C1QTNF3: variants seen among roughly 807,000 people sequenced by gnomAD.
The protein encoded by C1QTNF3 is complement C1q tumor necrosis factor-related protein 3.
Under a neutral mutation model 32.6 loss-of-function variants are expected in C1QTNF3, and 26 were observed. The ratio of observed to expected loss-of-function variants is 0.80; its 90% CI spans 0.58 to 1.11. The LOEUF (loss-of-function observed/expected upper bound fraction) is 1.11. Ranked by LOEUF, C1QTNF3 falls within the 50% of genes least tolerant of loss-of-function variation. The probability of loss-of-function intolerance (pLI) is 0.00; values close to 1 mark genes in which losing one functional copy is unlikely to be tolerated. For missense variants in C1QTNF3, 362 were observed against 398.2 expected (o/e 0.91, Z 0.77); for synonymous variants, 155 against 146.0 (o/e 1.06, Z -0.44).
the C1QTNF3 span, among the ~76,000 whole-genome samples, chr5:34,213,708 G>GTA: frequency 7.4e-6 from 1 of 134,324 alleles, no homozygotes; most frequent in Non-Finnish European, 1.6e-5. Flanking sequence ...ATATATATGT[G>GTA]TATATATATG....
chr5:34,244,608 T>G, the C1QTNF3 span: 1 of 152,084 alleles, frequency 6.6e-6, no homozygotes, highest in African/African-American at 2.4e-5. Flanking sequence ...ATTAGTGCGT[T>G]CACATACCTT....
At chr5:34,161,081 T>G in the C1QTNF3 span, among the ~76,000 whole-genome samples, 1 of 152,284 alleles carries the variant, frequency 6.6e-6, no homozygotes, top group South Asian at 2.1e-4. Context: ...CTGACATCAC[T>G]TGGCAGCTGG....
chr5:34,040,334 C>T lies in C1QTNF3; in HGVS notation c.303+2489G>A, dbSNP rs533390456. ...AGGGGTAGGGATGCAGAACTGAGCTCTACTACTAGTAAGTGACTTCTAGGA... is the reference window on the plus strand; with the variant it reads ...AGGGGTAGGGATGCAGAACTGAGCTTTACTACTAGTAAGTGACTTCTAGGA... On this transcript the variant is annotated intron_variant, in intron 1 of 5. Transcript: ENST00000382065. Among the ~76,000 whole-genome samples, 16 of 152,156 alleles carry T rather than the reference C, an allele frequency of 1.1e-4. No homozygotes were observed. In the South Asian group the frequency reaches 3.3e-3, roughly 32 times the overall value.
At chr5:34,222,712 G>A in the C1QTNF3 span, among the ~76,000 whole-genome samples, 2 of 151,918 alleles carry the variant, frequency 1.3e-5, no homozygotes, top group Admixed American at 6.6e-5. Flanking sequence ...AAAAAACTAC[G>A]AATTTAACAA....
At chr5:34,155,543 A>T in the C1QTNF3 span, among the ~76,000 whole-genome samples, 3 of 152,182 alleles carry the variant, frequency 2.0e-5, no homozygotes, top group Non-Finnish European at 4.4e-5. Context: ...GCTTAATACA[A>T]ATCCTTTTAA....
chr5:34,221,521 T>C, the C1QTNF3 span, among the ~76,000 whole-genome samples: 1 of 152,102 alleles, frequency 6.6e-6, no homozygotes, highest in Non-Finnish European at 1.5e-5. Context: ...ATTAGCTGTC[T>C]GCCAGTCTGA....
intron 1 of C1QTNF3, among the ~76,000 whole-genome samples, chr5:34,038,296 C>T (rs1254095041): frequency 6.6e-6 from 1 of 152,272 alleles, no homozygotes; most frequent in South Asian, 2.1e-4. Flanking sequence ...ATGGAAGGCT[C>T]TGCAGAGCAG....
chr5:34,178,228 T>C, the C1QTNF3 span, among the ~76,000 whole-genome samples: 2 of 150,624 alleles, frequency 1.3e-5, no homozygotes, highest in East Asian at 2.0e-4. Flanking sequence ...TAGCAGTGAG[T>C]CAAGATTGCA....
chr5:34,120,208 C>A, the C1QTNF3 span, among the ~76,000 whole-genome samples: 1 of 152,204 alleles, frequency 6.6e-6, no homozygotes, highest in Non-Finnish European at 1.5e-5. Flanking sequence ...GGCATTCATG[C>A]ATGTTTCAGA....
the C1QTNF3 span, among the ~76,000 whole-genome samples, chr5:34,174,721 G>A: frequency 1.3e-5 from 2 of 152,140 alleles, no homozygotes. Context: ...CCCTACGTGA[G>A]AGCACAGATC....
upstream of C1QTNF3, among the ~76,000 whole-genome samples, chr5:34,044,766 A>C (rs1371208467): frequency 1.3e-5 from 2 of 152,152 alleles, no homozygotes; most frequent in Non-Finnish European, 2.9e-5. Context: ...GTTCCCACCT[A>C]GTAGGGCATA....
intron 5 of C1QTNF3, 47 bp downstream of exon 5, chr5:34,023,858 GAACA>G: frequency 6.8e-7 from 1 of 1,473,658 alleles, no homozygotes; most frequent in Non-Finnish European, 9.5e-7. Flanking sequence ...GGCATTCCTT[GAACA>G]AACAATGGCA....
the C1QTNF3 span, among the ~76,000 whole-genome samples, chr5:34,053,295 G>A: frequency 2.6e-5 from 4 of 152,128 alleles, no homozygotes; most frequent in Admixed American, 2.6e-4. Flanking sequence ...CACTCCACCC[G>A]AACCACAAAG....
Position 34,023,006 on chromosome 5 carries a change from C to T in C1QTNF3, c.800+903G>A, listed in dbSNP as rs551837164. Among the ~76,000 whole-genome samples, 31 of 152,250 alleles carry T rather than the reference C, an allele frequency of 2.0e-4. No individual in the cohort carries two copies. In the South Asian group the frequency reaches 6.4e-3, roughly 32 times the overall value. ...GAGTAGCTGGGACTACAGGCGCCTG[C>T]CACCATGCCCGGGTAATTTTTTGTA... On this transcript the variant is annotated intron_variant, in intron 5 of 5. Transcript: ENST00000382065.
the C1QTNF3 span, among the ~76,000 whole-genome samples, chr5:34,213,758 T>TAC: frequency 2.6e-4 from 29 of 111,920 alleles, no homozygotes; most frequent in Middle Eastern, 4.8e-3. Flanking sequence ...TATATATATA[T>TAC]ACACACACAC....
At chr5:34,031,852 T>A (rs1256038106) in intron 3 of C1QTNF3, among the ~76,000 whole-genome samples, 1 of 152,126 alleles carries the variant, frequency 6.6e-6, no homozygotes, top group Non-Finnish European at 1.5e-5. Context: ...CATTTAAAAG[T>A]TGCAAAACCC....
At chr5:34,234,125 G>A in the C1QTNF3 span, among the ~76,000 whole-genome samples, 1 of 152,092 alleles carries the variant, frequency 6.6e-6, no homozygotes, top group Non-Finnish European at 1.5e-5. Context: ...TTTTCAGAAT[G>A]TAGTCAAAAT....
At chr5:34,161,883 T>C in the C1QTNF3 span, among the ~76,000 whole-genome samples, 6 of 152,324 alleles carry the variant, frequency 3.9e-5, no homozygotes, top group Admixed American at 2.6e-4. Context: ...TCATGGTCAG[T>C]GAGGTTTCCC....
At chr5:34,188,001 C>T in the C1QTNF3 span, among the ~76,000 whole-genome samples, 4 of 152,316 alleles carry the variant, frequency 2.6e-5, no homozygotes, top group African/African-American at 9.6e-5. Context: ...GAACCCCCTG[C>T]TGTGTGCAGC....
Sources: allele counts gnomAD v4.1 joint callset (sites outside exome capture counted in the v4.1 genomes callset), GRCh38; gene constraint gnomAD v4.1.1; transcripts MANE v1.5; gene names NCBI Gene and HGNC (gene_info 2026-07-23, HGNC 2026-07-21).